The following ECE2 variants were observed in gnomAD, a reference collection of about 807,000 sequenced individuals.
ECE2 encodes the protein endothelin-converting enzyme 2.
A neutral mutation model predicts 100.6 loss-of-function variants in ECE2; 81 were observed. The observed-to-expected ratio is 0.81, with a 90% CI of 0.67 to 0.97. The LOEUF is 0.97. Ranked by LOEUF, ECE2 falls within the 50% of genes least tolerant of loss-of-function variation. The probability of loss-of-function intolerance (pLI) is 0.00; values close to 1 mark genes in which losing one functional copy is unlikely to be tolerated. For synonymous variants in ECE2, 391 were observed against 391.5 expected, an observed-to-expected ratio of 1.00 and a Z score of 0.02; for missense variants, 911 against 988.1, an observed-to-expected ratio of 0.92 and a Z score of 1.05.
intron 7 of ECE2, among the ~76,000 whole-genome samples, chr3:184,279,978 G>C (rs1720751094): frequency 5.7e-5 from 1 of 17,566 alleles, no homozygotes; most frequent in Admixed American, 8.0e-4. Flanking sequence ...GAGTCAGGAA[G>C]GTCCCAAATG....
At chr3:184,279,109 A>G (rs1370277427) in intron 7 of ECE2, among the ~76,000 whole-genome samples, 4 of 152,078 alleles carry the variant, frequency 2.6e-5, no homozygotes, top group African/African-American at 9.7e-5. Context: ...CAGGAGTTCG[A>G]GACCAGGCTG....
chr3:184,278,782 C>T, intron 7 of ECE2: 1 of 578,256 alleles, frequency 1.7e-6, no homozygotes, highest in South Asian at 2.2e-5. Flanking sequence ...TTCATAGACA[C>T]CTACTGTGTG....
At position 184,291,840 on chromosome 3, in the gene ECE2, G is replaced by A; in HGVS notation, c.2122-222G>A. The A allele has an allele frequency of 1.7e-6, 1 of 583,756 alleles. No individual in the cohort carries two copies. Among genetic ancestry groups the A allele is most frequent in the Middle Eastern group, 4.5e-4 (1 of 2,200 alleles). 36.2% of individuals were successfully genotyped at this position (583,756 alleles called of 1,614,324 possible). A position where few individuals can be genotyped will look rare whatever the true frequency, so the allele number is the denominator to read the frequency against. On this transcript the variant is annotated intron_variant, in intron 18 of 18. Coordinates refer to ENST00000404464, the MANE Select transcript of ECE2 (RefSeq NM_001100121.2). The surrounding 1 kb of genome is among the most constrained non-coding windows in gnomAD (Gnocchi z 4.1). ...GAGTAAGTGGCAGAGCAAGGACCCA[G>A]GCAGAGCCTCCGCTGGGCAGCCACA...
Position 184,291,916 on chromosome 3 carries a change from G to A in ECE2, c.2122-146G>A. 3.4e-6 allele frequency: 3 copies of A among 880,728 alleles called. No homozygotes were observed. The highest frequency in any genetic ancestry group is 5.2e-6 in the Non-Finnish European group (3 of 581,172). The allele number at this position is 880,728 out of a possible 1,614,324, so 54.6% of individuals were successfully genotyped here. A position where few individuals can be genotyped will look rare whatever the true frequency, so the allele number is the denominator to read the frequency against. ...TTTCCCCTCGTCATGTCCATGCTGG[G>A]CAACCCGATGTCCAGGGCAGTTTTG... On this transcript the variant is annotated intron_variant, in intron 18 of 18. Transcript: ENST00000404464. The surrounding 1 kb of genome is among the most constrained non-coding windows in gnomAD (Gnocchi z 4.1).
chr3:184,288,233 C>T (rs959242993), intron 11 of ECE2, among the ~76,000 whole-genome samples: 3 of 148,626 alleles, frequency 2.0e-5, no homozygotes, highest in African/African-American at 5.0e-5. Context: ...TCACTTGAAC[C>T]CAGGAGGCGG....
In ECE2 at chr3:184,292,198, G is replaced by A. The variant is rs1379713115; in HGVS notation, c.2258G>A (p.Gly753Asp). The A allele has an allele frequency of 6.2e-7, 1 of 1,614,148 alleles. No individual in the cohort carries two copies. Among genetic ancestry groups the A allele is most frequent in the Non-Finnish European group, 8.5e-7 (1 of 1,180,028 alleles). Residue 753 changes from glycine (G) to aspartate (D), a missense_variant, in exon 19 of 19, where the codon GGC becomes GAC. Gly to Asp is a moderately conservative substitution (Grantham distance 94, BLOSUM62 -1). Coordinates refer to ENST00000404464, the MANE Select transcript of ECE2 (RefSeq NM_001100121.2). ...DFLRHFGCPV[G>D]SPMNPGQLCE... ...CTGCGGCACTTCGGCTGCCCTGTCG[G>A]CTCCCCCATGAACCCAGGGCAGCTG...
intron 11 of ECE2, among the ~76,000 whole-genome samples, chr3:184,288,993 A>T (rs1046438956): frequency 7.9e-5 from 12 of 152,068 alleles, no homozygotes; most frequent in Non-Finnish European, 1.6e-4. Flanking sequence ...CAGCTCTACT[A>T]AAAATACAAA....
At chr3:184,283,347 G>A (rs1386874937) in intron 7 of ECE2, among the ~76,000 whole-genome samples, 1 of 151,840 alleles carries the variant, frequency 6.6e-6, no homozygotes, top group Non-Finnish European at 1.5e-5. Context: ...GATCACCTGA[G>A]GTCAGGAGTT....
At chr3:184,288,309 C>CAAAAAAAAAAAAAAAAAAAA (rs10608428) in intron 11 of ECE2, among the ~76,000 whole-genome samples, 1 of 91,478 alleles carries the variant, frequency 1.1e-5, no homozygotes, top group Non-Finnish European at 2.0e-5. Flanking sequence ...AACTCTGTCT[C>CAAAAAAAAAAAAAAAAAAAA]AAAAAAAAAA....
At chr3:184,283,697 G>T in intron 7 of ECE2, 88 bp from the exon 8 acceptor site, 1 of 1,363,718 alleles carries the variant, frequency 7.3e-7, no homozygotes, top group Non-Finnish European at 1.0e-6. Context: ...AAGCAGAAGA[G>T]ATATTGGGCA....
Position 184,289,735 on chromosome 3 carries a change from A to G in ECE2, c.1551+17A>G, listed in dbSNP as rs1377894246. 24 of 1,601,204 alleles carry G rather than the reference A, an allele frequency of 1.5e-5. No homozygotes were observed. The highest frequency in any genetic ancestry group is 2.0e-5 in the Non-Finnish European group (24 of 1,173,320). ...TATGACGGGGTGAGTACCTACGCTC[A>G]TCAGTACTGAACTTCAGCCCTGTAG... On this transcript the variant is annotated intron_variant, in intron 13 of 18. Transcript: ENST00000404464. The surrounding 1 kb of genome is among the most constrained non-coding windows in gnomAD (Gnocchi z 4.1).
At chr3:184,283,298 T>A (rs1720881633) in intron 7 of ECE2, among the ~76,000 whole-genome samples, 1 of 151,972 alleles carries the variant, frequency 6.6e-6, no homozygotes, top group Non-Finnish European at 1.5e-5. Flanking sequence ...CAGTGGCTCA[T>A]GCCTGTAATC....
At chr3:184,288,309 C>CAAAAAAAAA (rs10608428) in intron 11 of ECE2, among the ~76,000 whole-genome samples, 25 of 91,444 alleles carry the variant, frequency 2.7e-4, no homozygotes, top group South Asian at 4.4e-4. Context: ...AACTCTGTCT[C>CAAAAAAAAA]AAAAAAAAAA....
intron 2 of ECE2, 110 bp downstream of exon 2, chr3:184,276,677 C>T (rs776938670): frequency 1.4e-5 from 22 of 1,554,842 alleles, no homozygotes; most frequent in Non-Finnish European, 1.7e-5. Flanking sequence ...CACCTCCGCT[C>T]CATCTCTGGC....
At chr3:184,277,122 C>T in intron 3 of ECE2, 95 bp downstream of exon 3, 3 of 1,599,948 alleles carry the variant, frequency 1.9e-6, no homozygotes, top group Non-Finnish European at 8.5e-7. Context: ...CCAAGCCTTC[C>T]CTGCAGAAAA....
chr3:184,285,199 G>T, intron 9 of ECE2, 94 bp downstream of exon 9: 1 of 1,499,788 alleles, frequency 6.7e-7, no homozygotes, highest in Non-Finnish European at 9.0e-7. Context: ...AACAACATTT[G>T]GTAATGCTAT....
intron 11 of ECE2, among the ~76,000 whole-genome samples, chr3:184,288,309 C>CAAAAAAAAAAAAAAAAAAAAA (rs10608428): frequency 1.1e-5 from 1 of 91,478 alleles, no homozygotes; most frequent in Non-Finnish European, 2.0e-5. Context: ...AACTCTGTCT[C>CAAAAAAAAAAAAAAAAAAAAA]AAAAAAAAAA....
rs1281943686 is a variant in ECE2, at chr3:184,290,538, C to G, written c.1656-19C>G. The G allele has an allele frequency of 3.7e-6, 6 of 1,611,208 alleles. No homozygotes were observed. The highest frequency in any genetic ancestry group is 1.1e-5 in the South Asian group (1 of 90,886). On this transcript the variant is annotated intron_variant, in intron 14 of 18. Coordinates refer to ENST00000404464, the MANE Select transcript of ECE2 (RefSeq NM_001100121.2). ...TCAGGAGAGTCGGGAGCCTCAGCCC[C>G]TCACTCTTCCTCCGCCAGGTGGAGC... is the stretch of plus-strand genomic sequence containing the variant.
chr3:184,288,743 G>A (rs1043086389), intron 11 of ECE2, among the ~76,000 whole-genome samples: 7 of 152,232 alleles, frequency 4.6e-5, no homozygotes, highest in African/African-American at 1.7e-4. Flanking sequence ...AACTCTAGAA[G>A]TGGGTAATCA....
Sources: gnomAD v4.1 joint callset for allele counts (sites outside exome capture counted in the v4.1 genomes callset) on GRCh38, gnomAD v4.1.1 for gene constraint, Gnocchi (gnomAD v3.1) non-coding constraint, MANE v1.5 for transcripts, NCBI Gene and HGNC (gene_info 2026-07-23, HGNC 2026-07-21) for gene names.